Variants in ZNF385B observed in about 807,000 individuals in gnomAD.
The protein encoded by ZNF385B is zinc finger protein 385B.
A neutral mutation model predicts 39.2 loss-of-function variants in ZNF385B; 23 were observed. That is an observed-to-expected ratio of 0.59 (90% confidence interval 0.42 to 0.83). The LOEUF (loss-of-function observed/expected upper bound fraction) is 0.83. ZNF385B is among the 40% of genes least tolerant of loss of function. ZNF385B has a pLI of 0.00. For synonymous variants in ZNF385B, 205 were observed against 222.6 expected, an observed-to-expected ratio of 0.92 and a Z score of 0.70; for missense variants, 552 against 598.9, an observed-to-expected ratio of 0.92 and a Z score of 0.82.
At chr2:179,777,193 A>T (rs1455158633) in intron 1 of ZNF385B, among the ~76,000 whole-genome samples, 1 of 151,872 alleles carries the variant, frequency 6.6e-6, no homozygotes, top group Non-Finnish European at 1.5e-5. Context: ...CAATAATGAG[A>T]ACAAGGAATG....
At chr2:179,746,090 T>C in intron 3 of ZNF385B, 1 of 988,272 alleles carries the variant, frequency 1.0e-6, no homozygotes, top group Non-Finnish European at 1.2e-6. Context: ...ACAGGCAACC[T>C]AAGCCTTCAT....
chr2:179,535,889 C>A (rs1374164165), intron 4 of ZNF385B, among the ~76,000 whole-genome samples: 1 of 152,144 alleles, frequency 6.6e-6, no homozygotes, highest in Non-Finnish European at 1.5e-5. Context: ...CATGTCTCTC[C>A]AACCCCCAAG....
chr2:179,688,518 A>AAC (rs1218694367), intron 3 of ZNF385B, among the ~76,000 whole-genome samples: 1 of 151,288 alleles, frequency 6.6e-6, no homozygotes, highest in Non-Finnish European at 1.5e-5. Context: ...CAACAACAAC[A>AAC]AAAACAGAAA....
chr2:179,653,377 A>G (rs1693397008), intron 3 of ZNF385B, among the ~76,000 whole-genome samples: 1 of 152,156 alleles, frequency 6.6e-6, no homozygotes, highest in Non-Finnish European at 1.5e-5. Flanking sequence ...CTCTCTCTAG[A>G]AGAACAGCTC....
intron 3 of ZNF385B, among the ~76,000 whole-genome samples, chr2:179,556,027 G>A (rs1387832858): frequency 6.7e-6 from 1 of 148,890 alleles, no homozygotes; most frequent in Non-Finnish European, 1.5e-5. Context: ...AAGCCACAAT[G>A]TCCTTTGGGT....
chr2:179,453,972 C>T (rs2050417169), intron 6 of ZNF385B, among the ~76,000 whole-genome samples: 1 of 152,276 alleles, frequency 6.6e-6, no homozygotes, highest in South Asian at 2.1e-4. Context: ...TCTAATTCCT[C>T]CTCTTATCCC....
At chr2:179,705,903 G>A (rs554576563) in intron 3 of ZNF385B, among the ~76,000 whole-genome samples, 3 of 152,308 alleles carry the variant, frequency 2.0e-5, no homozygotes, top group South Asian at 4.1e-4. Context: ...ATAGTTTGGT[G>A]ACCACTGAAA....
chr2:179,655,633 C>T (rs897343604), intron 3 of ZNF385B, among the ~76,000 whole-genome samples: 2 of 151,038 alleles, frequency 1.3e-5, no homozygotes, highest in African/African-American at 4.9e-5. Flanking sequence ...AATTGTGGAC[C>T]CTCCTTTTAA....
chr2:179,711,080 G>A (rs930021440), intron 3 of ZNF385B, among the ~76,000 whole-genome samples: 2 of 152,192 alleles, frequency 1.3e-5, no homozygotes, highest in African/African-American at 4.8e-5. Flanking sequence ...TACAGGTAGT[G>A]GGATGTGCAC....
At chr2:179,577,696 T>C (rs773658245) in intron 3 of ZNF385B, among the ~76,000 whole-genome samples, 2 of 152,070 alleles carry the variant, frequency 1.3e-5, no homozygotes, top group African/African-American at 4.8e-5. Context: ...GTTTGGATAA[T>C]TATGTGTCAG....
intron 5 of ZNF385B, among the ~76,000 whole-genome samples, chr2:179,507,127 A>C (rs2057308624): frequency 1.3e-5 from 2 of 152,204 alleles, no homozygotes; most frequent in African/African-American, 4.8e-5. Context: ...GGTAAGATGG[A>C]GTATTAATAA....
chr2:179,562,910 T>A (rs1684092591), intron 3 of ZNF385B, among the ~76,000 whole-genome samples: 1 of 152,196 alleles, frequency 6.6e-6, no homozygotes, highest in Admixed American at 6.6e-5. Flanking sequence ...TAAAATTGCT[T>A]TTTATTTCAA....
chr2:179,688,434 G>T (rs1429621243), intron 3 of ZNF385B, among the ~76,000 whole-genome samples: 2 of 152,106 alleles, frequency 1.3e-5, no homozygotes, highest in East Asian at 1.9e-4. Flanking sequence ...AGAAGTTCAA[G>T]ACCAGCCTGG....
At chr2:179,608,378 G>A (rs1335519246) in intron 3 of ZNF385B, among the ~76,000 whole-genome samples, 3 of 152,138 alleles carry the variant, frequency 2.0e-5, no homozygotes, top group Non-Finnish European at 4.4e-5. Flanking sequence ...GAAAGAGTTT[G>A]GTGGAAATCT....
At chr2:179,504,021 C>G (rs1483456105) in intron 5 of ZNF385B, among the ~76,000 whole-genome samples, 6 of 145,278 alleles carry the variant, frequency 4.1e-5, no homozygotes, top group Non-Finnish European at 7.4e-5. Flanking sequence ...TGCTATCCCT[C>G]CCCCCTCTCC....
At chr2:179,627,260 T>C (rs1461686022) in intron 3 of ZNF385B, among the ~76,000 whole-genome samples, 1 of 152,192 alleles carries the variant, frequency 6.6e-6, no homozygotes, top group Non-Finnish European at 1.5e-5. Flanking sequence ...TTCATTCCCT[T>C]CATTTGAAAC....
chr2:179,669,383 G>C (rs6721277), intron 3 of ZNF385B, among the ~76,000 whole-genome samples: 18,904 of 152,168 alleles, frequency 0.12, 1,523 homozygotes, highest in South Asian at 0.19. Flanking sequence ...CCAACACATA[G>C]GCTCGAACTC....
At chr2:179,631,449 C>T (rs1240069274) in intron 3 of ZNF385B, among the ~76,000 whole-genome samples, 2 of 152,104 alleles carry the variant, frequency 1.3e-5, no homozygotes, top group African/African-American at 4.8e-5. Flanking sequence ...AAAATAAAAT[C>T]CTTTACAGAC....
At chr2:179,586,809 C>A (rs1004500669) in intron 3 of ZNF385B, among the ~76,000 whole-genome samples, 3 of 152,126 alleles carry the variant, frequency 2.0e-5, no homozygotes, top group South Asian at 2.1e-4. Context: ...GAGGCCGAGG[C>A]GGGCGGATCA....
Sources: gnomAD v4.1 joint callset for allele counts (sites outside exome capture counted in the v4.1 genomes callset) on GRCh38, gnomAD v4.1.1 for gene constraint, MANE v1.5 for transcripts, NCBI Gene and HGNC (gene_info 2026-07-23, HGNC 2026-07-21) for gene names.